ZNF354C: variants seen among roughly 807,000 people sequenced by gnomAD.
ZNF354C encodes the protein zinc finger protein 354C.
In ZNF354C, 7 loss-of-function variants were observed where a neutral mutation model predicts 12.4. The observed-to-expected ratio is 0.56, with a 90% CI of 0.32 to 1.06. The LOEUF (loss-of-function observed/expected upper bound fraction) is 1.06, where lower values mean the gene tolerates loss of function less well. Among genes scored for constraint, ZNF354C ranks in the 50% least tolerant of loss-of-function variants. The pLI is 0.04. For missense variants in ZNF354C, 609 were observed against 658.0 expected, an observed-to-expected ratio of 0.93 and a Z score of 0.81; for synonymous variants, 202 against 224.5, an observed-to-expected ratio of 0.90 and a Z score of 0.90.
intron 2 of ZNF354C, among the ~76,000 whole-genome samples, chr5:179,063,483 C>G (rs1312959756): frequency 9.9e-5 from 15 of 152,134 alleles, no homozygotes; most frequent in Admixed American, 9.8e-4. Context: ...CACTTGAGCC[C>G]AGGAATTCGA....
chr5:179,064,430 T>C (rs2113106816), intron 2 of ZNF354C, among the ~76,000 whole-genome samples: 1 of 151,310 alleles, frequency 6.6e-6, no homozygotes, highest in South Asian at 2.1e-4. Context: ...CCCCCTTTTT[T>C]TTTGGAGACA....
chr5:179,070,071 A>G (rs775122647), intron 2 of ZNF354C, among the ~76,000 whole-genome samples: 4 of 152,180 alleles, frequency 2.6e-5, no homozygotes, highest in Non-Finnish European at 5.9e-5. Flanking sequence ...CAGGCGGTAC[A>G]GCAGGAAGTG....
At chr5:179,068,947 T>C (rs1471486581) in intron 2 of ZNF354C, among the ~76,000 whole-genome samples, 1 of 152,272 alleles carries the variant, frequency 6.6e-6, no homozygotes, top group Non-Finnish European at 1.5e-5. Context: ...GTCCGTGTCC[T>C]GATCTCCCCT....
rs1762246314 is a variant in ZNF354C, at chr5:179,082,756, C to T, written c.*2659C>T. 3.5e-6 allele frequency: 5 copies of T among 1,415,120 alleles called. No homozygotes were observed. Among genetic ancestry groups the T allele is most frequent in the Non-Finnish European group, 4.0e-6 (4 of 1,000,720 alleles). 87.7% of individuals were successfully genotyped at this position (1,415,120 alleles called of 1,614,324 possible). On this transcript the variant is annotated 3_prime_UTR_variant, in exon 5 of 5. Coordinates refer to ENST00000315475, the MANE Select transcript of ZNF354C (RefSeq NM_014594.3). ...TCTGGTCCCCTTGGCTGACGAAGAG[C>T]CATTAGGCGAGGATCACTGGCATCA...
At chr5:179,061,469 C>T (rs1761890972) in intron 1 of ZNF354C, among the ~76,000 whole-genome samples, 1 of 151,986 alleles carries the variant, frequency 6.6e-6, no homozygotes. Context: ...TGGTAAGGCC[C>T]GACGAAGATC....
At chr5:179,073,974 TTTG>T (rs899366223) in intron 2 of ZNF354C, among the ~76,000 whole-genome samples, 7 of 151,608 alleles carry the variant, frequency 4.6e-5, no homozygotes, top group African/African-American at 9.7e-5. Context: ...TGTGTAAGTT[TTTG>T]TTGTTGTTGT....
intron 2 of ZNF354C, among the ~76,000 whole-genome samples, chr5:179,063,705 A>G (rs1761922636): frequency 6.6e-6 from 1 of 152,246 alleles, no homozygotes; most frequent in African/African-American, 2.4e-5. Flanking sequence ...GATTGTACAG[A>G]TGAGGAGACA....
chr5:179,072,449 T>C (rs1762064137), intron 2 of ZNF354C, among the ~76,000 whole-genome samples: 1 of 152,118 alleles, frequency 6.6e-6, no homozygotes, highest in African/African-American at 2.4e-5. Flanking sequence ...AAAGGTCTAA[T>C]ATACATGAAA....
intron 2 of ZNF354C, among the ~76,000 whole-genome samples, chr5:179,068,624 CT>C (rs60825556): frequency 0.24 from 34,259 of 140,140 alleles, 4,611 homozygotes; most frequent in South Asian, 0.38. Context: ...AAAAAGAATG[CT>C]TTTTTTTTTT....
chr5:179,078,090 C>T (rs866894544), intron 4 of ZNF354C, among the ~76,000 whole-genome samples: 8 of 152,138 alleles, frequency 5.3e-5, no homozygotes, highest in Admixed American at 3.3e-4. Context: ...TGTGAGCCAC[C>T]GCGCCCGGCC....
At chr5:179,076,360 C>G in intron 2 of ZNF354C, 85 bp from the exon 3 acceptor site, 2 of 1,578,730 alleles carry the variant, frequency 1.3e-6, no homozygotes, top group South Asian at 2.3e-5. Context: ...CTGAGATTTT[C>G]TGTACATCCC....
Position 179,062,037 on chromosome 5 carries a change from T to A in ZNF354C, c.-32T>A. On this transcript the variant is annotated 5_prime_UTR_variant, in exon 2 of 5. Transcript: ENST00000315475. Reference sequence around the variant, plus strand: ...CAGACCCACCGTGTCCACACTCTGCTCTCCCTGGGCAGGAAGACTGAGGAG... The same window carrying A: ...CAGACCCACCGTGTCCACACTCTGCACTCCCTGGGCAGGAAGACTGAGGAG... 6.2e-7 allele frequency: 1 copy of A among 1,613,908 alleles called. No homozygotes were observed. Among genetic ancestry groups the A allele is most frequent in the Non-Finnish European group, 8.5e-7 (1 of 1,179,924 alleles).
intron 2 of ZNF354C, 150 bp downstream of exon 2, chr5:179,062,245 C>A: frequency 2.1e-6 from 2 of 931,820 alleles, no homozygotes; most frequent in Non-Finnish European, 1.7e-6. Context: ...GTGTCTTGGG[C>A]TTAGCAAGGG....
intron 2 of ZNF354C, among the ~76,000 whole-genome samples, chr5:179,065,186 A>G (rs535658845): frequency 2.6e-5 from 4 of 152,296 alleles, no homozygotes; most frequent in Admixed American, 6.5e-5. Context: ...ACAATTAACG[A>G]GCCACCATTG....
chr5:179,067,055 G>A (rs934107819), intron 2 of ZNF354C, among the ~76,000 whole-genome samples: 3 of 152,118 alleles, frequency 2.0e-5, no homozygotes, highest in African/African-American at 7.2e-5. Flanking sequence ...AAGAAGATTT[G>A]GAATATGAAA....
rs1354376058 is a variant in ZNF354C, at chr5:179,079,336, T to C, written c.904T>C (p.Cys302Arg). The change falls in exon 5 of 5, where the codon TGT becomes CGT. Residue 302 changes from cysteine to arginine, a missense_variant. Transcript: ENST00000315475. This position sits in a 1 kb window ranked among gnomAD's most constrained non-coding sequence, Gnocchi z 4.2. The stretch of plus-strand genomic sequence containing the variant: ...GCATACTGGAGAGAAACCGTATCGA[T>C]GTAGGGAATGTGGTAAAGCCTTTAG... ...RVHTGEKPYR[C>R]RECGKAFSQC... 2 of 1,614,054 alleles carry C rather than the reference T, an allele frequency of 1.2e-6. No homozygotes were observed. Among genetic ancestry groups the C allele is most frequent in the African/African-American group, 2.7e-5 (2 of 74,940 alleles).
chr5:179,066,293 C>T (rs186960316), intron 2 of ZNF354C, among the ~76,000 whole-genome samples: 7 of 152,316 alleles, frequency 4.6e-5, no homozygotes, highest in African/African-American at 1.2e-4. Context: ...ACAGAGTATT[C>T]CCCTCTTCCT....
In ZNF354C at chr5:179,083,228, T is replaced by TG. The variant is rs1762252753; in HGVS notation, c.*3137dup. ...CATAAAAAAACCTATAAGAGACATT[T>TG]GGGGGGATATTTGGGGAAATAGGAA... On this transcript the variant is annotated 3_prime_UTR_variant, in exon 5 of 5. Transcript: ENST00000315475. 7.4e-6 allele frequency: 2 copies of TG among 270,370 alleles called. No individual in the cohort carries two copies. Among genetic ancestry groups the TG allele is most frequent in the South Asian group, 1.3e-4 (1 of 7,744 alleles). The allele number at this position is 270,370 out of a possible 1,614,324, so 16.7% of individuals were successfully genotyped here.
rs936821956 is a variant in ZNF354C, at chr5:179,082,810, C to A, written c.*2713C>A. On this transcript the variant is annotated 3_prime_UTR_variant, in exon 5 of 5. Coordinates refer to ENST00000315475, the MANE Select transcript of ZNF354C (RefSeq NM_014594.3). ...AGGGTGATGTTCTTCAAGCGACTGA[C>A]CAACCGATCAGGTCGAGGAGCTGCA... is the stretch of plus-strand genomic sequence containing the variant. The A allele has an allele frequency of 3.0e-6, 4 of 1,336,734 alleles. No homozygotes were observed. Among genetic ancestry groups the A allele is most frequent in the African/African-American group, 1.4e-5 (1 of 69,324 alleles). The allele number at this position is 1,336,734 out of a possible 1,614,324, so 82.8% of individuals were successfully genotyped here.
Sources: gnomAD v4.1 joint callset for allele counts (sites outside exome capture counted in the v4.1 genomes callset) on GRCh38, gnomAD v4.1.1 for gene constraint, Gnocchi (gnomAD v3.1) non-coding constraint, MANE v1.5 for transcripts, NCBI Gene and HGNC (gene_info 2026-07-23, HGNC 2026-07-21) for gene names.